LRRC8A: variants seen among roughly 807,000 people sequenced by gnomAD.
LRRC8A encodes the protein volume-regulated anion channel subunit LRRC8A.
In LRRC8A, 24 loss-of-function variants were observed where a neutral mutation model predicts 52.5. The ratio of observed to expected loss-of-function variants is 0.46; its 90% CI spans 0.33 to 0.64. LRRC8A has a LOEUF of 0.64. Among genes scored for constraint, LRRC8A ranks in the 30% least tolerant of loss-of-function variants. LRRC8A has a pLI of 0.02. For missense variants in LRRC8A, 677 were observed against 1,094.7 expected (o/e 0.62, Z 5.38); for synonymous variants, 492 against 494.2 (o/e 1.00, Z 0.06).
chr9:128,883,426 G>A (rs1254700338), intron 1 of LRRC8A, among the ~76,000 whole-genome samples: 1 of 152,224 alleles, frequency 6.6e-6, no homozygotes, highest in African/African-American at 2.4e-5. Flanking sequence ...AGGGGATGTG[G>A]GAGTGGGAGT....
In LRRC8A at chr9:128,909,004, C is replaced by T; in HGVS notation, c.1840C>T (p.His614Tyr). 2 of 1,614,156 alleles carry T rather than the reference C, an allele frequency of 1.2e-6. No homozygotes were observed. Among genetic ancestry groups the T allele is most frequent in the Non-Finnish European group, 1.7e-6 (2 of 1,180,028 alleles). ...CATCCCCCACTCCATCTTCAGCCTC[C>T]ACAACCTGCAGGAGATTGACCTCAA... ...ERIPHSIFSLHNLQEIDLKDN... is the reference protein window; with the variant it reads ...ERIPHSIFSLYNLQEIDLKDN... The change falls in exon 3 of 4, where the codon CAC (histidine) becomes TAC (tyrosine). Residue 614 changes from histidine to tyrosine, a missense_variant. Coordinates refer to ENST00000372600, the MANE Select transcript of LRRC8A (RefSeq NM_019594.4).
At chr9:128,906,474 C>T (rs1840256886) in intron 2 of LRRC8A, among the ~76,000 whole-genome samples, 1 of 152,066 alleles carries the variant, frequency 6.6e-6, no homozygotes, top group African/African-American at 2.4e-5. Context: ...AGGCACCCGC[C>T]ACTACGCCAG....
At chr9:128,910,299 C>T (rs550552143) in intron 3 of LRRC8A, among the ~76,000 whole-genome samples, 111 of 152,288 alleles carry the variant, frequency 7.3e-4, no homozygotes, top group African/African-American at 2.5e-3. Context: ...AAGGGAGAGC[C>T]CAGCCAGCCA....
intron 2 of LRRC8A, among the ~76,000 whole-genome samples, chr9:128,887,378 G>A (rs189217485): frequency 2.6e-5 from 4 of 152,128 alleles, no homozygotes; most frequent in Non-Finnish European, 5.9e-5. Flanking sequence ...TGCCCAGGCT[G>A]GTCTCGAACT....
At chr9:128,903,830 C>T (rs1469465252) in intron 2 of LRRC8A, among the ~76,000 whole-genome samples, 1 of 152,088 alleles carries the variant, frequency 6.6e-6, no homozygotes, top group African/African-American at 2.4e-5. Flanking sequence ...GAATTCAAGA[C>T]CAGCCCGGCC....
chr9:128,882,550 G>A, intron 1 of LRRC8A: 1 of 396,466 alleles, frequency 2.5e-6, no homozygotes, highest in Non-Finnish European at 4.4e-6. Context: ...ATGTCCCCTT[G>A]TCATCCCCTG....
intron 3 of LRRC8A, among the ~76,000 whole-genome samples, chr9:128,915,396 G>T (rs1352071797): frequency 6.6e-6 from 1 of 152,120 alleles, no homozygotes; most frequent in Non-Finnish European, 1.5e-5. Context: ...GCGCGATGTC[G>T]GCTCTGCAAG....
At chr9:128,903,782 C>T (rs2091524225) in intron 2 of LRRC8A, among the ~76,000 whole-genome samples, 1 of 151,452 alleles carries the variant, frequency 6.6e-6, no homozygotes, top group African/African-American at 2.4e-5. Flanking sequence ...AATCCCAGAA[C>T]TTTGGGAGGC....
At chr9:128,882,591 C>T (rs1453003165) in intron 1 of LRRC8A, 6 of 398,002 alleles carry the variant, frequency 1.5e-5, no homozygotes, top group Non-Finnish European at 2.7e-5. Context: ...CCTCCACACA[C>T]ACTCTCCCGT....
intron 2 of LRRC8A, among the ~76,000 whole-genome samples, chr9:128,903,585 T>TC (rs1840115645): frequency 6.6e-6 from 1 of 151,858 alleles, no homozygotes; most frequent in Non-Finnish European, 1.5e-5. Context: ...GCTAATTTTT[T>TC]TGTATTTTTA....
At position 128,916,012 on chromosome 9, in the gene LRRC8A, C is replaced by G; in HGVS notation, c.2158-84C>G. ...TGGGGATCAGAAAAGATGCTGAGAT[C>G]TTGGGGAGAGAGGGAAGGGAAGCCC... On this transcript the variant is annotated intron_variant, in intron 3 of 3. Coordinates refer to ENST00000372600, the MANE Select transcript of LRRC8A (RefSeq NM_019594.4). This position sits in a 1 kb window ranked among gnomAD's most constrained non-coding sequence, Gnocchi z 6.1. 6.8e-7 allele frequency: 1 copy of G among 1,481,234 alleles called. No individual in the cohort carries two copies. Among genetic ancestry groups the G allele is most frequent in the Admixed American group, 2.0e-5 (1 of 49,518 alleles). The allele number at this position is 1,481,234 out of a possible 1,614,324, so 91.8% of individuals were successfully genotyped here.
chr9:128,906,226 T>C (rs1840241765), intron 2 of LRRC8A, among the ~76,000 whole-genome samples: 1 of 151,638 alleles, frequency 6.6e-6, no homozygotes, highest in African/African-American at 2.4e-5. Context: ...CCTCCTGGAC[T>C]CAAGCGATCC....
intron 2 of LRRC8A, among the ~76,000 whole-genome samples, chr9:128,889,951 C>T (rs1281214122): frequency 6.6e-6 from 1 of 151,916 alleles, no homozygotes. Flanking sequence ...TACAGATGTG[C>T]ACCACCACGC....
At chr9:128,895,558 T>A (rs1301987438) in intron 2 of LRRC8A, among the ~76,000 whole-genome samples, 1 of 152,200 alleles carries the variant, frequency 6.6e-6, no homozygotes. Context: ...GGCACAGAGA[T>A]GCCCTGGCCC....
At chr9:128,897,960 CAAA>C (rs200799230) in intron 2 of LRRC8A, among the ~76,000 whole-genome samples, 4 of 56,748 alleles carry the variant, frequency 7.0e-5, no homozygotes, top group Non-Finnish European at 1.1e-4. Flanking sequence ...GACTCTGTCT[CAAA>C]AAAAAAAAAA....
rs1170617453 is a variant in LRRC8A, at chr9:128,908,868, C to T, written c.1704C>T (p.His568=). The change falls in exon 3 of 4, where the codon CAC becomes CAT. Residue 568 remains histidine, a synonymous_variant. Coordinates refer to ENST00000372600, the MANE Select transcript of LRRC8A (RefSeq NM_019594.4). ...AGGTGGTCACAGATGTGGGCGTGCA[C>T]CTGCAGAAGCTGTCCATCAACAATG... The part of the protein sequence containing the change: ...LPQVVTDVGV[H]LQKLSINNEG... 11 of 1,613,804 alleles carry T rather than the reference C, an allele frequency of 6.8e-6. No individual in the cohort carries two copies. The highest frequency in any genetic ancestry group is 8.5e-6 in the Non-Finnish European group (10 of 1,180,026).
At chr9:128,896,682 T>A (rs1839836428) in intron 2 of LRRC8A, among the ~76,000 whole-genome samples, 1 of 152,216 alleles carries the variant, frequency 6.6e-6, no homozygotes, top group Non-Finnish European at 1.5e-5. Context: ...GCAGGATTTC[T>A]GTATTTATTC....
intron 1 of LRRC8A, chr9:128,882,490 C>T (rs1196485722): frequency 1.0e-5 from 4 of 387,040 alleles, no homozygotes; most frequent in Non-Finnish European, 1.4e-5. Context: ...CCAGGCACCC[C>T]TGTGCCTCCT....
rs191945044 is a variant in LRRC8A, at chr9:128,904,097, C to T, written c.-8-3060C>T. 1.3e-3 allele frequency among the ~76,000 whole-genome samples: 198 copies of T among 152,214 alleles called. 1 individual carries two copies. The highest frequency in any genetic ancestry group is 5.9e-5 in the Non-Finnish European group (4 of 68,012). Reference sequence around the variant, plus strand: ...TATCAGTAATCAAAGAAAGGTGGCCCATCATCTGGGCACCCCTGTTCCTCT... The same window carrying T: ...TATCAGTAATCAAAGAAAGGTGGCCTATCATCTGGGCACCCCTGTTCCTCT... On this transcript the variant is annotated intron_variant, in intron 2 of 3. Coordinates refer to ENST00000372600, the MANE Select transcript of LRRC8A (RefSeq NM_019594.4).
Sources: allele counts gnomAD v4.1 joint callset (sites outside exome capture counted in the v4.1 genomes callset), GRCh38; gene constraint gnomAD v4.1.1; non-coding constraint Gnocchi (gnomAD v3.1); transcripts MANE v1.5; gene names NCBI Gene and HGNC (gene_info 2026-07-23, HGNC 2026-07-21).